UGT2B17: variants seen among roughly 807,000 people sequenced by gnomAD.
The protein encoded by UGT2B17 is UDP-glucuronosyltransferase 2B17.
Under a neutral mutation model 48.2 loss-of-function variants are expected in UGT2B17, and 21 were observed. That is an observed-to-expected ratio of 0.44 (90% confidence interval 0.31 to 0.63). The LOEUF is 0.63. Ranked by LOEUF, UGT2B17 falls within the 20% of genes least tolerant of loss-of-function variation. The pLI is 0.08. For missense variants in UGT2B17, 402 were observed against 696.1 expected (o/e 0.58, Z 4.75); for synonymous variants, 146 against 238.4 (o/e 0.61, Z 3.57).
In UGT2B17 at chr4:68,567,868, A is replaced by G. The variant is rs775487801; in HGVS notation, c.617T>C (p.Met206Thr). 7.3e-7 allele frequency: 1 copy of G among 1,377,356 alleles called. No homozygotes were observed. 85.3% of individuals were successfully genotyped at this position (1,377,356 alleles called of 1,614,324 possible). A position where few individuals can be genotyped will look rare whatever the true frequency, so the allele number is the denominator to read the frequency against. Residue 206 changes from methionine to threonine, a missense_variant, in exon 2 of 7, where the codon ATG becomes ACG. By Grantham distance (81) the Met-to-Thr change is moderately conservative. Around this residue, in one of 5 missense-constraint regions of UGT2B17, gnomAD observed 106 missense variants for 169.8 expected, o/e 0.62. Coordinates refer to ENST00000317746, the MANE Select transcript of UGT2B17 (RefSeq NM_001077.4). The part of the protein sequence containing the change: ...PVVMSELSDQ[M>T]IFMERIKNMI... ...ATTTTTTATCCTCTCCATGAAAATCATTTGATCACTTAATTCTGACATAAC... is the reference window on the plus strand; with the variant it reads ...ATTTTTTATCCTCTCCATGAAAATCGTTTGATCACTTAATTCTGACATAAC...
At chr4:68,558,016 G>T (rs187207696) in intron 4 of UGT2B17, among the ~76,000 whole-genome samples, 1,519 of 124,232 alleles carry the variant, frequency 0.012, 277 homozygotes, top group African/African-American at 0.038. Context: ...TCTATGGCTT[G>T]CCTCAGCTTT....
rs540430356 is a variant in UGT2B17 at position 68,550,076 on chromosome 4, T to A, written c.1313+601A>T. ...TATATAAAATATGTGAAGAGAATAA[T>A]CTATTGAGAAACAAAGTAAGTCGGT... On this transcript the variant is annotated intron_variant, in intron 6 of 6. Coordinates refer to ENST00000317746, the MANE Select transcript of UGT2B17 (RefSeq NM_001077.4). Among the ~76,000 whole-genome samples the A allele has an allele frequency of 5.2e-4, 65 of 125,620 alleles. 13 individuals are homozygous for A. The highest frequency in any genetic ancestry group is 1.5e-3 in the African/African-American group (56 of 37,000). The allele number at this position is 125,620 out of a possible 152,430, so 82.4% of individuals were successfully genotyped here.
At chr4:68,550,215 A>G (rs1730890086) in intron 6 of UGT2B17, among the ~76,000 whole-genome samples, 1 of 124,728 alleles carries the variant, frequency 8.0e-6, no homozygotes. Flanking sequence ...AACATACTAA[A>G]TATATTTAGA....
In UGT2B17 at chr4:68,537,492, T is replaced by C. The variant is rs1730573511; in HGVS notation, c.*133A>G. 1 of 775,680 alleles carries C rather than the reference T, an allele frequency of 1.3e-6. No homozygotes were observed. Among genetic ancestry groups the C allele is most frequent in the African/African-American group, 1.8e-5 (1 of 55,400 alleles). 48.0% of individuals were successfully genotyped at this position (775,680 alleles called of 1,614,324 possible). A position where few individuals can be genotyped will look rare whatever the true frequency, so the allele number is the denominator to read the frequency against. ...ATATTAAATTCCTGGAAAATAAATTTTGACTTAACAGGGTAAGTTGTGAAA... is the reference window on the plus strand; with the variant it reads ...ATATTAAATTCCTGGAAAATAAATTCTGACTTAACAGGGTAAGTTGTGAAA... On this transcript the variant is annotated 3_prime_UTR_variant, in exon 7 of 7. Transcript: ENST00000317746.
chr4:68,556,039 T>A lies in UGT2B17; in HGVS notation c.1006-4128A>T, dbSNP rs1421277694. 1.7e-5 allele frequency among the ~76,000 whole-genome samples: 2 copies of A among 120,156 alleles called. 1 individual carries two copies. Among genetic ancestry groups the A allele is most frequent in the South Asian group, 8.0e-4 (2 of 2,508 alleles). The allele number at this position is 120,156 out of a possible 152,430, so 78.8% of individuals were successfully genotyped here. On this transcript the variant is annotated intron_variant, in intron 4 of 6. Transcript: ENST00000317746. ...TGATCAGTTGTGTAAGAAAGAAGGA[T>A]GTTCAGGACAAACCAGAAAGTCCAA...
chr4:68,547,389 T>C (rs1171193152), intron 6 of UGT2B17, among the ~76,000 whole-genome samples: 1 of 126,850 alleles, frequency 7.9e-6, no homozygotes, highest in Non-Finnish European at 1.7e-5. Flanking sequence ...AAGCTGAAAC[T>C]GGATACCTTC....
At chr4:68,548,326 CAA>C (rs1409353790) in intron 6 of UGT2B17, among the ~76,000 whole-genome samples, 1 of 124,742 alleles carries the variant, frequency 8.0e-6, no homozygotes. Flanking sequence ...ATCGCAAGGA[CAA>C]AAAACCAAAC....
intron 3 of UGT2B17, among the ~76,000 whole-genome samples, chr4:68,561,895 G>A (rs1208943895): frequency 8.3e-6 from 1 of 121,044 alleles, no homozygotes; most frequent in Non-Finnish European, 1.7e-5. Context: ...TGTTGCTATT[G>A]TCCCTTTTGT....
intron 4 of UGT2B17, among the ~76,000 whole-genome samples, chr4:68,558,574 T>C (rs1435799575): frequency 7.9e-6 from 1 of 125,936 alleles, no homozygotes; most frequent in Non-Finnish European, 1.7e-5. Flanking sequence ...TTTTTGTTTT[T>C]CTCACTTCCT....
chr4:68,563,430 C>T lies in UGT2B17; in HGVS notation c.873+2142G>A, dbSNP rs368019043. On this transcript the variant is annotated intron_variant, in intron 3 of 6. Transcript: ENST00000317746. ...TTCGAGACCAGCCTGGCCAACATGG[C>T]GAAACTCTGTCTCTACTAAAAATAC... is the stretch of plus-strand genomic sequence containing the variant. Among the ~76,000 whole-genome samples the T allele has an allele frequency of 5.6e-5, 7 of 125,802 alleles. 2 individuals are homozygous for T. The highest frequency in any genetic ancestry group is 1.5e-3 in the East Asian group (2 of 1,322). The allele number at this position is 125,802 out of a possible 152,430, so 82.5% of individuals were successfully genotyped here.
chr4:68,553,494 T>C lies in UGT2B17; in HGVS notation c.1006-1583A>G, dbSNP rs558441171. Among the ~76,000 whole-genome samples, 19 of 126,296 alleles carry C rather than the reference T, an allele frequency of 1.5e-4. 2 individuals are homozygous for C. The highest frequency in any genetic ancestry group is 4.0e-4 in the African/African-American group (15 of 37,166). The allele number at this position is 126,296 out of a possible 152,430, so 82.9% of individuals were successfully genotyped here. ...CCCTTTGGGGGTGCTCTGTTTTCTTTGTGGAGTTTCAAGAGTTGTGGGCAG... is the reference window on the plus strand; with the variant it reads ...CCCTTTGGGGGTGCTCTGTTTTCTTCGTGGAGTTTCAAGAGTTGTGGGCAG... On this transcript the variant is annotated intron_variant, in intron 4 of 6. Transcript: ENST00000317746.
chr4:68,561,085 A>C (rs1731094452), intron 3 of UGT2B17, among the ~76,000 whole-genome samples: 1 of 123,118 alleles, frequency 8.1e-6, no homozygotes, highest in Non-Finnish European at 1.7e-5. Flanking sequence ...ATTTGGGGTC[A>C]TTTTATTTTA....
Position 68,568,485 on chromosome 4 carries a change from C to T in UGT2B17, c.-1G>A, listed in dbSNP as rs766287141. On this transcript the variant is annotated 5_prime_UTR_variant, in exon 2 of 7. Transcript: ENST00000317746. Reference sequence around the variant, plus strand: ...AGACTGACATCCATTTCAGAGACATCCTGGTCTTATGCAGTGCTTCTTTTC... The same window carrying T: ...AGACTGACATCCATTTCAGAGACATTCTGGTCTTATGCAGTGCTTCTTTTC... 1.6e-5 allele frequency: 21 copies of T among 1,341,892 alleles called. 6 individuals are homozygous for T. In the South Asian group the frequency reaches 3.7e-4, roughly 23 times the overall value. 83.1% of individuals were successfully genotyped at this position (1,341,892 alleles called of 1,614,324 possible). A position where few individuals can be genotyped will look rare whatever the true frequency, so the allele number is the denominator to read the frequency against.
At chr4:68,551,028 T>C in intron 5 of UGT2B17, 132 bp from the exon 6 acceptor site, 1 of 676,718 alleles carries the variant, frequency 1.5e-6, no homozygotes, top group Non-Finnish European at 2.1e-6. Flanking sequence ...TGCATTGAAA[T>C]TGTTTTCAAA....
chr4:68,547,978 G>A lies in UGT2B17; in HGVS notation c.1313+2699C>T, dbSNP rs1578165964. 1.6e-5 allele frequency among the ~76,000 whole-genome samples: 2 copies of A among 126,472 alleles called. 1 individual carries two copies. Among genetic ancestry groups the A allele is most frequent in the African/African-American group, 5.4e-5 (2 of 37,070 alleles). The allele number at this position is 126,472 out of a possible 152,430, so 83.0% of individuals were successfully genotyped here. Reference sequence around the variant, plus strand: ...TAGGAACACTTTTACACTGTTGGTGGGACTGTAAACTAGTTCAACCATTGT... The same window carrying A: ...TAGGAACACTTTTACACTGTTGGTGAGACTGTAAACTAGTTCAACCATTGT... On this transcript the variant is annotated intron_variant, in intron 6 of 6. Coordinates refer to ENST00000317746, the MANE Select transcript of UGT2B17 (RefSeq NM_001077.4).
chr4:68,545,614 C>CA (rs1198450851), intron 6 of UGT2B17, among the ~76,000 whole-genome samples: 1 of 125,136 alleles, frequency 8.0e-6, no homozygotes, highest in African/African-American at 2.7e-5. Flanking sequence ...AAAAACTCTT[C>CA]AAAAAATCAA....
In UGT2B17 at chr4:68,542,385, T is replaced by C. The variant is rs1174240412; in HGVS notation, c.1314-4481A>G. Among the ~76,000 whole-genome samples, 2 of 126,388 alleles carry C rather than the reference T, an allele frequency of 1.6e-5. 1 individual carries two copies. The highest frequency in any genetic ancestry group is 3.4e-5 in the Non-Finnish European group (2 of 59,690). 82.9% of individuals were successfully genotyped at this position (126,388 alleles called of 152,430 possible). ...TGGTTCCATATTAAATTTAAAGTAG[T>C]TTTTTTCTAGCTCTGTGAGGAATGT... On this transcript the variant is annotated intron_variant, in intron 6 of 6. Coordinates refer to ENST00000317746, the MANE Select transcript of UGT2B17 (RefSeq NM_001077.4).
chr4:68,552,094 T>G lies in UGT2B17; in HGVS notation c.1006-183A>C, dbSNP rs1457448878. Among the ~76,000 whole-genome samples the G allele has an allele frequency of 4.2e-4, 53 of 126,818 alleles. 16 individuals carry two copies. Among genetic ancestry groups the G allele is most frequent in the Admixed American group, 2.6e-3 (32 of 12,386 alleles). 83.2% of individuals were successfully genotyped at this position (126,818 alleles called of 152,430 possible). The stretch of plus-strand genomic sequence containing the variant: ...AAGCTGAATACCCACATTTAATATC[T>G]TTACTTTTATAATCAATTTGGTATA... On this transcript the variant is annotated intron_variant, in intron 4 of 6. Transcript: ENST00000317746.
In UGT2B17 at chr4:68,571,766, G is replaced by A. The variant is rs1425315922; in HGVS notation, c.-64-3218C>T. 3.2e-5 allele frequency among the ~76,000 whole-genome samples: 4 copies of A among 125,702 alleles called. 1 individual carries two copies. Among genetic ancestry groups the A allele is most frequent in the African/African-American group, 1.1e-4 (4 of 36,618 alleles). The allele number at this position is 125,702 out of a possible 152,430, so 82.5% of individuals were successfully genotyped here. A position where few individuals can be genotyped will look rare whatever the true frequency, so the allele number is the denominator to read the frequency against. The stretch of plus-strand genomic sequence containing the variant: ...AACATAATATGAGGTGACTTGTAGA[G>A]ACTGGGCTACGTGTTAGGCTAATTG... On this transcript the variant is annotated intron_variant, in intron 1 of 6. Coordinates refer to ENST00000317746, the MANE Select transcript of UGT2B17 (RefSeq NM_001077.4).
Sources: allele counts gnomAD v4.1 joint callset (sites outside exome capture counted in the v4.1 genomes callset), GRCh38; gene constraint gnomAD v4.1.1; regional missense constraint gnomAD v4.1.1; transcripts MANE v1.5; gene names NCBI Gene and HGNC (gene_info 2026-07-23, HGNC 2026-07-21).